Variants in UGGT2 observed in about 807,000 individuals in gnomAD.
UGGT2 encodes the protein UDP-glucose glycoprotein glucosyltransferase 2.
Under a neutral mutation model 192.1 loss-of-function variants are expected in UGGT2, and 180 were observed. The observed-to-expected ratio is 0.94, with a 90% CI of 0.83 to 1.06. UGGT2 has a LOEUF of 1.06. Ranked by LOEUF, UGGT2 falls within the 50% of genes least tolerant of loss-of-function variation. UGGT2 has a pLI of 0.00. For missense variants in UGGT2, 1,849 were observed against 1,795.7 expected (o/e 1.03, Z -0.54); for synonymous variants, 580 against 591.0 (o/e 0.98, Z 0.27).
intron 12 of UGGT2, among the ~76,000 whole-genome samples, chr13:95,966,345 C>T (rs2050579044): frequency 6.6e-6 from 1 of 151,990 alleles, no homozygotes; most frequent in Non-Finnish European, 1.5e-5. Flanking sequence ...AAAATATTGA[C>T]CTCATGGAGT....
rs144764703 is a variant in UGGT2 at position 96,006,954 on chromosome 13, A to C, written c.660+6353T>G. On this transcript the variant is annotated intron_variant, in intron 5 of 38. Coordinates refer to ENST00000376747, the MANE Select transcript of UGGT2 (RefSeq NM_020121.4). The stretch of plus-strand genomic sequence containing the variant: ...TCCAAATTCATTCTAGGAGGCCAGC[A>C]TTACCTCAATACCAAAACAAGACAA... 3.1e-3 allele frequency among the ~76,000 whole-genome samples: 477 copies of C among 152,282 alleles called. 3 individuals carry two copies. The highest frequency in any genetic ancestry group is 0.011 in the African/African-American group (455 of 41,560).
At chr13:95,823,494 G>A (rs1382620579) in intron 38 of UGGT2, among the ~76,000 whole-genome samples, 1 of 151,956 alleles carries the variant, frequency 6.6e-6, no homozygotes, top group African/African-American at 2.4e-5. Flanking sequence ...TTGTTGGATT[G>A]ATCCTTTTAT....
At chr13:96,018,699 T>C (rs1403957724) in intron 4 of UGGT2, among the ~76,000 whole-genome samples, 2 of 147,552 alleles carry the variant, frequency 1.4e-5, no homozygotes, top group Non-Finnish European at 3.0e-5. Context: ...TATCACATAG[T>C]AAAGAAAGGC....
chr13:95,978,023 G>A (rs994354106), intron 10 of UGGT2, among the ~76,000 whole-genome samples: 2 of 151,884 alleles, frequency 1.3e-5, no homozygotes, highest in African/African-American at 4.8e-5. Flanking sequence ...GGCCTGCCAG[G>A]GGGTAGGGGG....
At chr13:96,039,659 T>C (rs1200467001) in intron 1 of UGGT2, among the ~76,000 whole-genome samples, 1 of 152,188 alleles carries the variant, frequency 6.6e-6, no homozygotes, top group African/African-American at 2.4e-5. Flanking sequence ...TTTATCTCTT[T>C]CTTCTCTCAT....
At chr13:95,925,394 G>A (rs2048985529) in intron 20 of UGGT2, among the ~76,000 whole-genome samples, 1 of 152,168 alleles carries the variant, frequency 6.6e-6, no homozygotes, top group Admixed American at 6.5e-5. Context: ...GTAGGGTCTA[G>A]AGTTACTTAC....
At chr13:95,963,546 C>T (rs1189060703) in intron 12 of UGGT2, among the ~76,000 whole-genome samples, 1 of 152,092 alleles carries the variant, frequency 6.6e-6, no homozygotes, top group Non-Finnish European at 1.5e-5. Flanking sequence ...CTAACCAGAG[C>T]AATCAGGCAA....
intron 5 of UGGT2, among the ~76,000 whole-genome samples, chr13:96,011,601 G>A (rs1284592447): frequency 1.3e-5 from 2 of 152,070 alleles, no homozygotes; most frequent in Non-Finnish European, 2.9e-5. Flanking sequence ...CACTTTGAGA[G>A]ACAGTTTGGT....
chr13:96,007,807 G>A (rs1399479702), intron 5 of UGGT2, among the ~76,000 whole-genome samples: 1 of 152,116 alleles, frequency 6.6e-6, no homozygotes, highest in Non-Finnish European at 1.5e-5. Flanking sequence ...AAAATGGAAA[G>A]ATATTCCATG....
chr13:96,017,623 A>G (rs776106216), intron 4 of UGGT2, among the ~76,000 whole-genome samples: 1 of 152,236 alleles, frequency 6.6e-6, no homozygotes, highest in African/African-American at 2.4e-5. Context: ...ATGTAAGAAC[A>G]CAATAACTTT....
intron 38 of UGGT2, among the ~76,000 whole-genome samples, chr13:95,824,096 T>A (rs1885775549): frequency 6.6e-6 from 1 of 152,126 alleles, no homozygotes; most frequent in South Asian, 2.1e-4. Context: ...TTATTCTGTT[T>A]AAGGAGGCTA....
rs765414150 is a variant in UGGT2 at position 96,053,345 on chromosome 13, C to T, written c.-33G>A. The T allele has an allele frequency of 1.3e-6, 2 of 1,570,332 alleles. No homozygotes were observed. Among genetic ancestry groups the T allele is most frequent in the South Asian group, 1.2e-5 (1 of 86,546 alleles). ...AGAGAAAAGCGCGAGTCCCTCGGACCCGGTACCCACAGTCTGTGGCCGCCA... is the reference window on the plus strand; with the variant it reads ...AGAGAAAAGCGCGAGTCCCTCGGACTCGGTACCCACAGTCTGTGGCCGCCA... On this transcript the variant is annotated 5_prime_UTR_variant, in exon 1 of 39. Coordinates refer to ENST00000376747, the MANE Select transcript of UGGT2 (RefSeq NM_020121.4).
rs757102863 is a variant in UGGT2, at chr13:96,053,355, C to T, written c.-43G>A. The T allele has an allele frequency of 2.6e-6, 4 of 1,553,898 alleles. No homozygotes were observed. In the African/African-American group the frequency reaches 4.4e-5, roughly 17 times the overall value. On this transcript the variant is annotated 5_prime_UTR_variant, in exon 1 of 39. It adds an upstream start codon to the 5' untranslated region. Transcript: ENST00000376747. ...GCGAGTCCCTCGGACCCGGTACCCA[C>T]AGTCTGTGGCCGCCACGCTTCGGCC...
intron 17 of UGGT2, among the ~76,000 whole-genome samples, chr13:95,933,395 A>G (rs1050302341): frequency 2.6e-5 from 4 of 152,038 alleles, no homozygotes; most frequent in Non-Finnish European, 5.9e-5. Flanking sequence ...TTTCTATGGG[A>G]TCAGTTGTAA....
At chr13:95,875,078 C>T (rs1364432652) in intron 29 of UGGT2, among the ~76,000 whole-genome samples, 1 of 152,098 alleles carries the variant, frequency 6.6e-6, no homozygotes, top group Non-Finnish European at 1.5e-5. Flanking sequence ...TGAAAAACAG[C>T]TCCTGTTACT....
chr13:95,995,953 T>C (rs2051604322), intron 7 of UGGT2, 110 bp downstream of exon 7: 1 of 892,680 alleles, frequency 1.1e-6, no homozygotes, highest in African/African-American at 1.7e-5. Context: ...TGTGTGTTTG[T>C]ACTTTCTACA....
At chr13:95,954,726 T>C (rs1251508268) in intron 12 of UGGT2, among the ~76,000 whole-genome samples, 3 of 152,176 alleles carry the variant, frequency 2.0e-5, no homozygotes, top group African/African-American at 4.8e-5. Flanking sequence ...CATATATCAA[T>C]TGATGTCTTA....
In UGGT2 at chr13:95,860,892, A is replaced by G. The variant is rs764468884; in HGVS notation, c.3645-9T>C. 2.6e-6 allele frequency: 4 copies of G among 1,525,102 alleles called. No homozygotes were observed. In the South Asian group the frequency reaches 5.3e-5, roughly 20 times the overall value. The allele number at this position is 1,525,102 out of a possible 1,614,324, so 94.5% of individuals were successfully genotyped here. A position where few individuals can be genotyped will look rare whatever the true frequency, so the allele number is the denominator to read the frequency against. On this transcript the variant is annotated splice_polypyrimidine_tract_variant and intron_variant, in intron 31 of 38. Coordinates refer to ENST00000376747, the MANE Select transcript of UGGT2 (RefSeq NM_020121.4). ...GCAAGCTTACTGTGAAACTTGGAAT[A>G]AAAAAGTAATTGACATTTCTTAAAC...
chr13:95,886,141 A>C (rs1427425890), intron 26 of UGGT2, among the ~76,000 whole-genome samples: 1 of 152,206 alleles, frequency 6.6e-6, no homozygotes, highest in Non-Finnish European at 1.5e-5. Flanking sequence ...ACTAAAAAAG[A>C]AGAAAGATGC....
Sources: gnomAD v4.1 joint callset for allele counts (sites outside exome capture counted in the v4.1 genomes callset) on GRCh38, gnomAD v4.1.1 for gene constraint, MANE v1.5 for transcripts, NCBI Gene and HGNC (gene_info 2026-07-23, HGNC 2026-07-21) for gene names.